ABCC8: variants seen among roughly 807,000 people sequenced by gnomAD.
The protein encoded by ABCC8 is ATP binding cassette subfamily C member 8, also known as ATP-binding cassette sub-family C member 8.
A neutral mutation model predicts 188.0 loss-of-function variants in ABCC8; 137 were observed. The observed-to-expected ratio is 0.73, with a 90% CI of 0.63 to 0.84. The LOEUF is 0.84. Among genes scored for constraint, ABCC8 ranks in the 40% least tolerant of loss-of-function variants. The probability of loss-of-function intolerance (pLI) is 0.00; values close to 1 mark genes in which losing one functional copy is unlikely to be tolerated. For missense variants in ABCC8, 1,750 were observed against 2,072.7 expected, an observed-to-expected ratio of 0.84 and a Z score of 3.02; for synonymous variants, 797 against 846.5, an observed-to-expected ratio of 0.94 and a Z score of 1.01.
At chr11:17,460,033 TTC>T (rs148231733) in intron 6 of ABCC8, among the ~76,000 whole-genome samples, 1,627 of 152,330 alleles carry the variant, frequency 0.011, 36 homozygotes, top group African/African-American at 0.038. Flanking sequence ...GGTTTCCCAC[TTC>T]TCTCTCCTCT....
rs764107333 is a variant in ABCC8 at position 17,470,225 on chromosome 11, G to A, written c.291-3C>T. Reference sequence around the variant, plus strand: ...GCAGATGGTGGGATTCGGTCACCCTGAGATGGGAGAGAGAAACAGACAGGA... The same window carrying A: ...GCAGATGGTGGGATTCGGTCACCCTAAGATGGGAGAGAGAAACAGACAGGA... On this transcript the variant is annotated splice_polypyrimidine_tract_variant and splice_region_variant and intron_variant, in intron 2 of 38. Transcript: ENST00000389817. 1.4e-5 allele frequency: 22 copies of A among 1,614,118 alleles called. 1 individual carries two copies. The highest frequency in any genetic ancestry group is 1.2e-4 in the African/African-American group (9 of 75,056).
Position 17,416,953 on chromosome 11 carries a change from G to A in ABCC8, c.2232C>T (p.Asp744=), listed in dbSNP as rs1421469992. The A allele has an allele frequency of 1.9e-6, 3 of 1,612,910 alleles. No homozygotes were observed. Among genetic ancestry groups the A allele is most frequent in the Admixed American group, 1.7e-5 (1 of 59,830 alleles). ...SGAVFWSSLP[D]SEIGEDPSPE... Reference sequence around the variant, plus strand: ...ACCTGGGGTCCTCTCCTATCTCGCTGTCAGGAAGGCTGCTGGGACACAAAT... The same window carrying A: ...ACCTGGGGTCCTCTCCTATCTCGCTATCAGGAAGGCTGCTGGGACACAAAT... The change falls in exon 17 of 39, where the codon GAC becomes GAT. Residue 744 remains aspartate (D), a synonymous_variant. Coordinates refer to ENST00000389817, the MANE Select transcript of ABCC8 (RefSeq NM_000352.6).
Position 17,395,233 on chromosome 11 carries a change from C to T in ABCC8, c.4350G>A (p.Leu1450=), listed in dbSNP as rs763277685. Residue 1450 remains leucine (L), a synonymous_variant, in exon 36 of 39, where the codon CTG becomes CTA. Coordinates refer to ENST00000389817, the MANE Select transcript of ABCC8 (RefSeq NM_000352.6). ...DPERKCSDST[L]WEALEIAQLK... Reference sequence around the variant, plus strand: ...GCTGGGCGATTTCCAGGGCCTCCCACAGTGTGCTATCTGAGCACTTCCTCT... The same window carrying T: ...GCTGGGCGATTTCCAGGGCCTCCCATAGTGTGCTATCTGAGCACTTCCTCT... 3 of 1,599,496 alleles carry T rather than the reference C, an allele frequency of 1.9e-6. No homozygotes were observed. The highest frequency in any genetic ancestry group is 1.3e-5 in the African/African-American group (1 of 74,770).
chr11:17,473,965 C>T (rs989054108), intron 2 of ABCC8, among the ~76,000 whole-genome samples: 2 of 152,170 alleles, frequency 1.3e-5, no homozygotes, highest in East Asian at 3.9e-4. Flanking sequence ...GTGTTTAATG[C>T]TCCAGCCCCT....
intron 20 of ABCC8, 66 bp downstream of exon 20, chr11:17,413,328 G>A (rs1954905584): frequency 6.3e-7 from 1 of 1,588,568 alleles, no homozygotes; most frequent in Non-Finnish European, 8.6e-7. Context: ...GTCCTGAGTA[G>A]TGTCTCAGGG....
At chr11:17,423,645 C>T (rs971535689) in intron 16 of ABCC8, among the ~76,000 whole-genome samples, 29 of 152,122 alleles carry the variant, frequency 1.9e-4, no homozygotes, top group African/African-American at 5.8e-4. Flanking sequence ...CGCCCCTCTG[C>T]GAGCCTCGAA....
At chr11:17,450,420 A>G (rs1264520881) in intron 7 of ABCC8, among the ~76,000 whole-genome samples, 2 of 57,308 alleles carry the variant, frequency 3.5e-5, no homozygotes, top group South Asian at 9.3e-4. Context: ...TTTTTTTCAG[A>G]GTCTTGCTGT....
Position 17,411,888 on chromosome 11 carries a change from G to A in ABCC8, c.2556+778C>T, listed in dbSNP as rs1027093776. Among the ~76,000 whole-genome samples the A allele has an allele frequency of 5.0e-5, 7 of 140,102 alleles. No homozygotes were observed. In the East Asian group the frequency reaches 1.2e-3, roughly 24 times the overall value. The allele number at this position is 140,102 out of a possible 152,430, so 91.9% of individuals were successfully genotyped here. On this transcript the variant is annotated intron_variant, in intron 21 of 38. Transcript: ENST00000389817. ...GAAGTAGTGTAAGGATTGCGAATAC[G>A]TTCTTTTTTTTTTTTTTTTTTTTGA...
intron 8 of ABCC8, among the ~76,000 whole-genome samples, chr11:17,447,812 A>G (rs1325159520): frequency 6.6e-6 from 1 of 152,196 alleles, no homozygotes; most frequent in African/African-American, 2.4e-5. Flanking sequence ...GGCTAAAAGT[A>G]TCATGTTGTT....
chr11:17,474,559 C>T (rs1304711427), intron 2 of ABCC8, among the ~76,000 whole-genome samples: 5 of 150,040 alleles, frequency 3.3e-5, no homozygotes, highest in African/African-American at 9.8e-5. Context: ...TTTTTTTTTC[C>T]AAGAAGGTAA....
intron 1 of ABCC8, among the ~76,000 whole-genome samples, chr11:17,475,415 G>C (rs1009472372): frequency 6.6e-6 from 1 of 151,904 alleles, no homozygotes; most frequent in Non-Finnish European, 1.5e-5. Flanking sequence ...GGGCGGGGGG[G>C]GTCTCACTAT....
intron 8 of ABCC8, among the ~76,000 whole-genome samples, chr11:17,447,539 T>TC (rs1956585505): frequency 6.6e-6 from 1 of 152,098 alleles, no homozygotes; most frequent in Non-Finnish European, 1.5e-5. Context: ...AATCCTTCCA[T>TC]CTCAGACTCC....
intron 10 of ABCC8, among the ~76,000 whole-genome samples, chr11:17,432,848 G>A (rs779694132): frequency 6.6e-6 from 1 of 152,134 alleles, no homozygotes; most frequent in Non-Finnish European, 1.5e-5. Flanking sequence ...TCAGTCACAG[G>A]GACTCCAGGA....
At chr11:17,432,266 G>C (rs1591808177) in intron 10 of ABCC8, 22 bp from the exon 11 acceptor site, 4 of 1,551,948 alleles carry the variant, frequency 2.6e-6, no homozygotes, top group Admixed American at 3.9e-5. Context: ...GCACAGGGAG[G>C]CGTTTAGTGG....
At chr11:17,467,098 C>T (rs1008347972) in intron 3 of ABCC8, among the ~76,000 whole-genome samples, 8 of 135,344 alleles carry the variant, frequency 5.9e-5, no homozygotes, top group Non-Finnish European at 3.3e-5. Flanking sequence ...CTTCCCATTG[C>T]TGTTGGGATA....
At position 17,436,150 on chromosome 11, in the gene ABCC8, C is replaced by T. The variant is rs79172770; in HGVS notation, c.1631-3906G>A. ...GCTAAAGTGGGCTCGGAGGCAATGACAACCAACATGTCTCAGCAAGAGCAC... is the reference window on the plus strand; with the variant it reads ...GCTAAAGTGGGCTCGGAGGCAATGATAACCAACATGTCTCAGCAAGAGCAC... On this transcript the variant is annotated intron_variant, in intron 10 of 38. Coordinates refer to ENST00000389817, the MANE Select transcript of ABCC8 (RefSeq NM_000352.6). 5.3e-3 allele frequency: 4,039 copies of T among 758,786 alleles called. 129 individuals carry two copies. The African/African-American group carries it at 0.063, about 12-fold the overall frequency. The allele number at this position is 758,786 out of a possible 1,614,324, so 47.0% of individuals were successfully genotyped here.
intron 28 of ABCC8, among the ~76,000 whole-genome samples, chr11:17,403,411 C>T (rs1954347073): frequency 6.6e-6 from 1 of 152,164 alleles, no homozygotes; most frequent in South Asian, 2.1e-4. Context: ...GGCTGTTTCT[C>T]TGGCAGAAGA....
chr11:17,395,329 C>T (rs1309572269), intron 35 of ABCC8, 54 bp from the exon 36 acceptor site: 2 of 1,551,718 alleles, frequency 1.3e-6, no homozygotes, highest in African/African-American at 1.4e-5. Flanking sequence ...CTGCCTGCAT[C>T]CCCAGGCGGC....
chr11:17,419,584 A>T (rs766872325), intron 16 of ABCC8, among the ~76,000 whole-genome samples: 8 of 152,262 alleles, frequency 5.3e-5, no homozygotes, highest in Non-Finnish European at 7.3e-5. Context: ...ATGCTTGTGT[A>T]TCTTTTCTAA....
Sources: allele counts gnomAD v4.1 joint callset (sites outside exome capture counted in the v4.1 genomes callset), GRCh38; gene constraint gnomAD v4.1.1; transcripts MANE v1.5; gene names NCBI Gene and HGNC (gene_info 2026-07-23, HGNC 2026-07-21).